Variants in NBAS observed in about 807,000 individuals in gnomAD.
NBAS encodes the protein NAG/BC035112 fusion.
Under a neutral mutation model 302.5 loss-of-function variants are expected in NBAS, and 219 were observed. The observed-to-expected ratio is 0.72, with a 90% confidence interval of 0.65 to 0.81. The LOEUF is 0.81. Ranked by LOEUF, NBAS falls within the 30% of genes least tolerant of loss-of-function variation. The pLI is 0.00. For synonymous variants in NBAS, 1,118 were observed against 1,021.6 expected (o/e 1.09, Z -1.80); for missense variants, 2,932 against 2,841.6 (o/e 1.03, Z -0.72).
chr2:14,899,950 T>C, the NBAS span, among the ~76,000 whole-genome samples: 1 of 152,154 alleles, frequency 6.6e-6, no homozygotes, highest in Admixed American at 6.5e-5. Flanking sequence ...AGAGGGTTCA[T>C]AGAATCTTTA....
chr2:15,339,870 T>C (rs1672765897), intron 35 of NBAS, among the ~76,000 whole-genome samples: 1 of 146,552 alleles, frequency 6.8e-6, no homozygotes, highest in Non-Finnish European at 1.5e-5. Context: ...ATACAGCAAG[T>C]AGAAGGATCC....
intron 21 of NBAS, among the ~76,000 whole-genome samples, chr2:15,445,260 G>A (rs548988831): frequency 1.4e-3 from 199 of 146,812 alleles, no homozygotes; most frequent in Non-Finnish European, 2.2e-3. Context: ...CAACCCAAAT[G>A]TCCAACAATG....
the NBAS span, among the ~76,000 whole-genome samples, chr2:14,805,462 T>G: frequency 2.0e-5 from 3 of 152,012 alleles, no homozygotes; most frequent in East Asian, 5.8e-4. Flanking sequence ...CATGAAAAAG[T>G]TTTAAGTAGG....
intron 21 of NBAS, among the ~76,000 whole-genome samples, chr2:15,454,034 C>T (rs1349943130): frequency 6.6e-6 from 1 of 152,182 alleles, no homozygotes; most frequent in African/African-American, 2.4e-5. Flanking sequence ...GCCTCGGCCT[C>T]CCAAAGTGCT....
At chr2:14,945,044 GTGTAACTCA>G in the NBAS span, among the ~76,000 whole-genome samples, 1 of 152,206 alleles carries the variant, frequency 6.6e-6, no homozygotes, top group Admixed American at 6.5e-5. Context: ...AAACTCTACT[GTGTAACTCA>G]GCCAAAGGAG....
intron 31 of NBAS, among the ~76,000 whole-genome samples, chr2:15,370,909 TTTGGGG>T (rs1192635862): frequency 6.6e-6 from 1 of 152,174 alleles, no homozygotes; most frequent in Admixed American, 6.5e-5. Flanking sequence ...GAGTTAAGAC[TTTGGGG>T]GACTGCAGGG....
At chr2:14,869,822 C>A in the NBAS span, among the ~76,000 whole-genome samples, 4 of 152,188 alleles carry the variant, frequency 2.6e-5, no homozygotes, top group Non-Finnish European at 5.9e-5. Context: ...CCACTGTATT[C>A]TCCTCTGTGG....
chr2:14,962,119 A>G, the NBAS span, among the ~76,000 whole-genome samples: 13 of 152,120 alleles, frequency 8.5e-5, no homozygotes, highest in Non-Finnish European at 1.3e-4. Context: ...ACCAAAATGT[A>G]TTAGAATTAT....
the NBAS span, among the ~76,000 whole-genome samples, chr2:14,925,587 A>C: frequency 6.6e-6 from 1 of 151,974 alleles, no homozygotes; most frequent in Non-Finnish European, 1.5e-5. Flanking sequence ...CATGCATCCC[A>C]CTCTTTACAG....
chr2:15,458,538 T>C (rs1429380998), intron 21 of NBAS, among the ~76,000 whole-genome samples: 1 of 152,146 alleles, frequency 6.6e-6, no homozygotes, highest in Non-Finnish European at 1.5e-5. Context: ...CCTCTCACCA[T>C]GTGAGAGCGC....
At chr2:14,960,530 T>C in the NBAS span, among the ~76,000 whole-genome samples, 2 of 152,180 alleles carry the variant, frequency 1.3e-5, no homozygotes, top group Non-Finnish European at 2.9e-5. Flanking sequence ...ATCCCCACTT[T>C]GATGATGAGA....
At chr2:14,876,000 T>A in the NBAS span, among the ~76,000 whole-genome samples, 1 of 152,222 alleles carries the variant, frequency 6.6e-6, no homozygotes, top group Non-Finnish European at 1.5e-5. Flanking sequence ...CATCTGGTTT[T>A]TGTACAGTCA....
intron 21 of NBAS, among the ~76,000 whole-genome samples, chr2:15,440,189 C>A (rs1031119970): frequency 2.0e-5 from 3 of 152,202 alleles, no homozygotes; most frequent in South Asian, 2.1e-4. Flanking sequence ...GATCTGAGAA[C>A]GGGCAGACTG....
the NBAS span, among the ~76,000 whole-genome samples, chr2:14,868,740 C>T: frequency 6.6e-6 from 1 of 152,218 alleles, no homozygotes; most frequent in East Asian, 1.9e-4. Context: ...ATCTATATGG[C>T]TTTGTCTTTC....
rs1670075389 is a variant in NBAS, at chr2:15,287,086, A to G, written c.5125T>C (p.Phe1709Leu). 1 of 1,611,076 alleles carries G rather than the reference A, an allele frequency of 6.2e-7. No individual in the cohort carries two copies. Among genetic ancestry groups the G allele is most frequent in the Non-Finnish European group, 8.5e-7 (1 of 1,177,334 alleles). ...CTGTGTGCTTACCCACTGTCCGTGA[A>G]GAGGAACTCCAAATGGGTCATAAAA... ...EVFMTHLEFL[F>L]TDSGLSTLEI... The change falls in exon 42 of 52, where the codon TTC (phenylalanine) becomes CTC (leucine). Residue 1709 changes from phenylalanine to leucine, a missense_variant. Phe to Leu is a conservative substitution (Grantham distance 22, BLOSUM62 0). Transcript: ENST00000281513.
At chr2:15,439,981 C>A (rs1159058330) in intron 21 of NBAS, among the ~76,000 whole-genome samples, 1 of 152,236 alleles carries the variant, frequency 6.6e-6, no homozygotes, top group Non-Finnish European at 1.5e-5. Flanking sequence ...CCCAGACTTG[C>A]TTAGGTAAAC....
intron 31 of NBAS, among the ~76,000 whole-genome samples, chr2:15,374,360 C>G (rs550783580): frequency 1.5e-4 from 23 of 152,116 alleles, no homozygotes; most frequent in Admixed American, 1.5e-3. Flanking sequence ...TGCTCTGTTA[C>G]CGATGTTATT....
chr2:15,247,029 G>C (rs1021790739), intron 44 of NBAS, among the ~76,000 whole-genome samples: 1 of 152,200 alleles, frequency 6.6e-6, no homozygotes, highest in Non-Finnish European at 1.5e-5. Flanking sequence ...CATCTCCAAG[G>C]AGAGTCCTCA....
At chr2:15,267,980 T>C (rs1669152146) in intron 44 of NBAS, among the ~76,000 whole-genome samples, 1 of 152,216 alleles carries the variant, frequency 6.6e-6, no homozygotes, top group South Asian at 2.1e-4. Flanking sequence ...TATGTGAGGT[T>C]TGGCTCCAAA....
Sources: allele counts gnomAD v4.1 joint callset (sites outside exome capture counted in the v4.1 genomes callset), GRCh38; gene constraint gnomAD v4.1.1; transcripts MANE v1.5; gene names NCBI Gene and HGNC (gene_info 2026-07-23, HGNC 2026-07-21).